Variants in ESCO1 observed in about 807,000 individuals in gnomAD.
ESCO1 encodes establishment of sister chromatid cohesion N-acetyltransferase 1.
Under a neutral mutation model 83.5 loss-of-function variants are expected in ESCO1, and 33 were observed. The observed-to-expected ratio is 0.40, with a 90% CI of 0.30 to 0.53. The LOEUF (loss-of-function observed/expected upper bound fraction) is 0.53. Among genes scored for constraint, ESCO1 ranks in the 20% least tolerant of loss-of-function variants. ESCO1 has a pLI of 0.63. For missense variants in ESCO1, 855 were observed against 968.0 expected (o/e 0.88, Z 1.55); for synonymous variants, 332 against 324.3 (o/e 1.02, Z -0.25).
chr18:21,567,200 T>A (rs967581362), intron 5 of ESCO1, among the ~76,000 whole-genome samples: 1 of 152,180 alleles, frequency 6.6e-6, no homozygotes, highest in Admixed American at 6.6e-5. Context: ...TCTCACTCTG[T>A]CACCCAGGGT....
chr18:21,533,596 T>C (rs2037795598), intron 10 of ESCO1, among the ~76,000 whole-genome samples: 2 of 152,106 alleles, frequency 1.3e-5, no homozygotes, highest in South Asian at 4.1e-4. Flanking sequence ...AACTTAAAAG[T>C]AAACAGACAA....
Position 21,530,312 on chromosome 18 carries a change from T to C in ESCO1, c.*31A>G. 1 of 1,515,198 alleles carries C rather than the reference T, an allele frequency of 6.6e-7. No homozygotes were observed. Among genetic ancestry groups the C allele is most frequent in the Non-Finnish European group, 8.8e-7 (1 of 1,132,596 alleles). 93.9% of individuals were successfully genotyped at this position (1,515,198 alleles called of 1,614,324 possible). On this transcript the variant is annotated 3_prime_UTR_variant, in exon 12 of 12. Transcript: ENST00000269214. ...CAACCAATCCATTCTCTTCAATAGATGTCTTCTAGTGGTGTAGGCAAGAAT... is the reference window on the plus strand; with the variant it reads ...CAACCAATCCATTCTCTTCAATAGACGTCTTCTAGTGGTGTAGGCAAGAAT...
At chr18:21,577,466 C>G (rs1340206867) in intron 2 of ESCO1, among the ~76,000 whole-genome samples, 1 of 151,082 alleles carries the variant, frequency 6.6e-6, no homozygotes, top group Non-Finnish European at 1.5e-5. Context: ...CGAGACCATC[C>G]TGGCTAACAT....
intron 1 of ESCO1, among the ~76,000 whole-genome samples, chr18:21,590,119 G>T (rs1012515863): frequency 6.8e-6 from 1 of 146,558 alleles, no homozygotes; most frequent in Non-Finnish European, 1.5e-5. Flanking sequence ...GAGCCACTGC[G>T]TCCGGCCGCA....
At chr18:21,580,226 T>A (rs2038483511) in intron 2 of ESCO1, among the ~76,000 whole-genome samples, 1 of 151,970 alleles carries the variant, frequency 6.6e-6, no homozygotes, top group Non-Finnish European at 1.5e-5. Context: ...AGCCTTTCTA[T>A]GTTTCTGCTG....
At chr18:21,570,249 T>C (rs1419604660) in intron 4 of ESCO1, among the ~76,000 whole-genome samples, 1 of 151,780 alleles carries the variant, frequency 6.6e-6, no homozygotes, top group African/African-American at 2.4e-5. Flanking sequence ...AGGCACACAT[T>C]ACCACTCCTA....
At chr18:21,564,687 C>T (rs531426221) in intron 6 of ESCO1, among the ~76,000 whole-genome samples, 3 of 151,964 alleles carry the variant, frequency 2.0e-5, no homozygotes, top group Admixed American at 6.6e-5. Context: ...TGAGCCACCG[C>T]GCCCGGCAAA....
At chr18:21,558,787 A>G (rs924089479) in intron 8 of ESCO1, among the ~76,000 whole-genome samples, 3 of 151,234 alleles carry the variant, frequency 2.0e-5, no homozygotes, top group Non-Finnish European at 4.4e-5. Flanking sequence ...AATTTATTCT[A>G]TTTTTAGTCT....
At chr18:21,594,937 G>GTGTGTGTGT (rs2038739161) in intron 1 of ESCO1, among the ~76,000 whole-genome samples, 4 of 110,558 alleles carry the variant, frequency 3.6e-5, no homozygotes, top group Admixed American at 3.4e-4. Context: ...GTGTGTGTGT[G>GTGTGTGTGT]TGTGTGTGTG....
At chr18:21,593,164 A>T (rs1374197819) in intron 1 of ESCO1, 1 of 180,172 alleles carries the variant, frequency 5.6e-6, no homozygotes, top group Non-Finnish European at 1.2e-5. Flanking sequence ...CCAGGCAGAG[A>T]CGCTCCTCAC....
chr18:21,534,797 G>A (rs1366183871), intron 10 of ESCO1, among the ~76,000 whole-genome samples: 1 of 151,846 alleles, frequency 6.6e-6, no homozygotes, highest in Non-Finnish European at 1.5e-5. Context: ...GCTAATTTTT[G>A]TATTTTTAGT....
At chr18:21,585,584 C>A (rs2570956) in intron 1 of ESCO1, among the ~76,000 whole-genome samples, 149,792 of 152,222 alleles carry the variant, frequency 0.98, 73,744 homozygotes, top group East Asian at 1. Context: ...GCTTTCTAGT[C>A]AGTTTTTAAA....
At chr18:21,589,410 TTTC>T (rs1555673032) in intron 1 of ESCO1, among the ~76,000 whole-genome samples, 1 of 47,340 alleles carries the variant, frequency 2.1e-5, no homozygotes, top group Non-Finnish European at 1.2e-4. Context: ...TTTTTACTTT[TTTC>T]TTTGTTATTT....
At chr18:21,558,861 A>G (rs2038147060) in intron 8 of ESCO1, among the ~76,000 whole-genome samples, 1 of 152,152 alleles carries the variant, frequency 6.6e-6, no homozygotes, top group South Asian at 2.1e-4. Flanking sequence ...TTAACACCAG[A>G]GTACCATATG....
At chr18:21,563,484 A>G (rs1224192474) in intron 7 of ESCO1, among the ~76,000 whole-genome samples, 1 of 152,094 alleles carries the variant, frequency 6.6e-6, no homozygotes, top group Non-Finnish European at 1.5e-5. Flanking sequence ...AGTAGCTGGG[A>G]TTACAGGCAT....
At chr18:21,558,133 A>C (rs1170804423) in intron 8 of ESCO1, among the ~76,000 whole-genome samples, 1 of 151,860 alleles carries the variant, frequency 6.6e-6, no homozygotes, top group African/African-American at 2.4e-5. Context: ...CTACAGGCGC[A>C]TGCCACCACG....
intron 1 of ESCO1, among the ~76,000 whole-genome samples, chr18:21,587,640 A>T (rs1210648429): frequency 1.3e-5 from 2 of 152,104 alleles, no homozygotes; most frequent in African/African-American, 4.8e-5. Context: ...AAACTTTTTT[A>T]AAAAAGATAA....
intron 10 of ESCO1, among the ~76,000 whole-genome samples, chr18:21,534,988 G>C (rs1023345412): frequency 1.3e-5 from 2 of 151,996 alleles, no homozygotes; most frequent in Non-Finnish European, 2.9e-5. Flanking sequence ...CCTGGTCTCT[G>C]TTGCAACTAT....
At chr18:21,546,544 G>GTT (rs2037976198) in intron 8 of ESCO1, among the ~76,000 whole-genome samples, 1 of 152,120 alleles carries the variant, frequency 6.6e-6, no homozygotes, top group Non-Finnish European at 1.5e-5. Flanking sequence ...AATTGTTTTA[G>GTT]TAGGTTTTGG....
Sources: gnomAD v4.1 joint callset for allele counts (sites outside exome capture counted in the v4.1 genomes callset) on GRCh38, gnomAD v4.1.1 for gene constraint, MANE v1.5 for transcripts, NCBI Gene and HGNC (gene_info 2026-07-23, HGNC 2026-07-21) for gene names.